The following CRYM variants were observed in gnomAD, a reference collection of about 807,000 sequenced individuals.
The protein encoded by CRYM is crystallin mu.
In CRYM, 18 loss-of-function variants were observed where a neutral mutation model predicts 32.9. The ratio of observed to expected loss-of-function variants is 0.55; its 90% CI spans 0.38 to 0.81. The LOEUF (loss-of-function observed/expected upper bound fraction) is 0.81, where lower values mean the gene tolerates loss of function less well. Ranked by LOEUF, CRYM falls within the 30% of genes least tolerant of loss-of-function variation. CRYM has a pLI of 0.00. For synonymous variants in CRYM, 153 were observed against 152.4 expected (o/e 1.00, Z -0.03); for missense variants, 337 against 393.5 (o/e 0.86, Z 1.21).
chr16:21,281,094 TTCTCTCTCTCTCTCACTCTCTC>T (rs2093397155), upstream of CRYM, among the ~76,000 whole-genome samples: 1 of 143,490 alleles, frequency 7.0e-6, no homozygotes, highest in African/African-American at 2.7e-5. Flanking sequence ...AACAGAGTGA[TTCTCTCTCTCTCTCACTCTCTC>T]TCTCTCTCTC....
intron 1 of CRYM, among the ~76,000 whole-genome samples, chr16:21,294,738 A>G (rs1292669679): frequency 1.5e-5 from 2 of 136,730 alleles, no homozygotes; most frequent in East Asian, 2.1e-4. Context: ...TCTGTTGCCC[A>G]TGCTGGAGTA....
At chr16:21,261,233 C>G (rs761279968) in intron 7 of CRYM, 21 bp downstream of exon 7, 33 of 1,598,532 alleles carry the variant, frequency 2.1e-5, no homozygotes, top group Non-Finnish European at 2.7e-5. Flanking sequence ...GGATTTGTGC[C>G]CAGGGAGCAA....
chr16:21,286,453 C>T (rs929658531), intron 1 of CRYM, among the ~76,000 whole-genome samples: 1 of 151,412 alleles, frequency 6.6e-6, no homozygotes, highest in Non-Finnish European at 1.5e-5. Context: ...TCTTGAACTC[C>T]TGACCTCAGG....
chr16:21,261,064 T>A (rs1597612617), intron 7 of CRYM, 190 bp downstream of exon 7: 1 of 640,370 alleles, frequency 1.6e-6, no homozygotes, highest in Admixed American at 2.2e-5. Context: ...GGGAAGGGAC[T>A]CTGACCCAGG....
In CRYM at chr16:21,278,277, A is replaced by T; in HGVS notation, c.-26T>A. 6.4e-7 allele frequency: 1 copy of T among 1,573,140 alleles called. No individual in the cohort carries two copies. The highest frequency in any genetic ancestry group is 8.6e-7 in the Non-Finnish European group (1 of 1,165,440). On this transcript the variant is annotated 5_prime_UTR_variant, in exon 1 of 8. Coordinates refer to ENST00000572914, the MANE Select transcript of CRYM (RefSeq NM_001376256.1). ...CTCGCCACCTGTGCCTTCTAACCTC[A>T]GTCTCCGCACCGCGATCCACGTACC...
At chr16:21,297,013 A>C (rs927672565) in intron 1 of CRYM, among the ~76,000 whole-genome samples, 1 of 152,152 alleles carries the variant, frequency 6.6e-6, no homozygotes, top group Non-Finnish European at 1.5e-5. Flanking sequence ...GTCTCTAAAA[A>C]TAAAAATGAA....
At chr16:21,280,907 C>T (rs1052018858), upstream of CRYM, among the ~76,000 whole-genome samples, 2 of 152,130 alleles carry the variant, frequency 1.3e-5, no homozygotes, top group African/African-American at 2.4e-5. Context: ...GAGTTTGAGA[C>T]CAGCCTGGCC....
At chr16:21,280,441 AC>A (rs897566257), upstream of CRYM, among the ~76,000 whole-genome samples, 2 of 150,854 alleles carry the variant, frequency 1.3e-5, no homozygotes, top group African/African-American at 4.9e-5. Context: ...TACTGAATGA[AC>A]CCCCTCTGGG....
rs876657447 is a variant in CRYM, at chr16:21,267,565, G to A, written c.662C>T (p.Ala221Val). 1 of 1,613,730 alleles carries A rather than the reference G, an allele frequency of 6.2e-7. No individual in the cohort carries two copies. Among genetic ancestry groups the A allele is most frequent in the Non-Finnish European group, 8.5e-7 (1 of 1,180,008 alleles). ...ILFGEWVKPG[A>V]HINAVGASRP... ...GCCACTCTACTTACCATTGATGTGA[G>A]CCCCTGGCTTCACCCATTCACCAAA... Residue 221 changes from alanine to valine, a missense_variant, in exon 5 of 8, where the codon GCT (alanine) becomes GTT (valine). Transcript: ENST00000572914.
intron 1 of CRYM, among the ~76,000 whole-genome samples, chr16:21,301,912 C>T (rs1378254521): frequency 6.6e-6 from 1 of 152,198 alleles, no homozygotes; most frequent in Non-Finnish European, 1.5e-5. Context: ...AGTCCTGGCG[C>T]GTCCTTCTTC....
chr16:21,284,105 T>C (rs891153910), intron 1 of CRYM: 6 of 151,530 alleles, frequency 4.0e-5, no homozygotes, highest in African/African-American at 1.5e-4. Context: ...CTCTAACAAA[T>C]GAAAACCCAT....
At chr16:21,302,876 C>T (rs916096318) in intron 1 of CRYM, 8 of 152,240 alleles carry the variant, frequency 5.3e-5, no homozygotes, top group African/African-American at 1.9e-4. Flanking sequence ...CAGTGAAAAG[C>T]TTTCTAAAGA....
chr16:21,260,190 G>A (rs1028039817), intron 7 of CRYM, among the ~76,000 whole-genome samples: 2 of 152,202 alleles, frequency 1.3e-5, no homozygotes, highest in Non-Finnish European at 2.9e-5. Context: ...ACGAAGTATG[G>A]AAGGTCATGA....
chr16:21,294,483 C>G (rs183666340), intron 1 of CRYM, among the ~76,000 whole-genome samples: 126 of 152,084 alleles, frequency 8.3e-4, no homozygotes, highest in African/African-American at 2.9e-3. Flanking sequence ...GGTATTTGTC[C>G]TAATGCTCTC....
Position 21,262,127 on chromosome 16 carries a change from T to C in CRYM, c.705A>G (p.Glu235=), listed in dbSNP as rs1196228596. 1 of 1,614,080 alleles carries C rather than the reference T, an allele frequency of 6.2e-7. No individual in the cohort carries two copies. Among genetic ancestry groups the C allele is most frequent in the East Asian group, 2.2e-5 (1 of 44,878 alleles). The change falls in exon 6 of 8, where the codon GAA becomes GAG. Residue 235 remains glutamate (E), a synonymous_variant. Transcript: ENST00000572914. ...AVGASRPDWR[E]LDDELMKEAV... is the part of the protein sequence containing the mutation. ...CTTCTTTCATGAGCTCATCATCCAG[T>C]TCTCTCCAGTCAGGTCTGCTGGCTC...
At chr16:21,267,487 C>T (rs1318007586) in intron 5 of CRYM, 67 bp downstream of exon 5, 23 of 1,526,594 alleles carry the variant, frequency 1.5e-5, no homozygotes, top group Admixed American at 5.0e-5. Context: ...CAAATGTAGT[C>T]GACTGGTCCC....
chr16:21,294,834 A>G (rs1960754422), intron 1 of CRYM, among the ~76,000 whole-genome samples: 1 of 151,678 alleles, frequency 6.6e-6, no homozygotes, highest in Non-Finnish European at 1.5e-5. Context: ...AGCTGGGACT[A>G]CAGGCACACA....
chr16:21,262,929 C>G (rs988274228), intron 5 of CRYM, among the ~76,000 whole-genome samples: 4 of 152,198 alleles, frequency 2.6e-5, no homozygotes, highest in Non-Finnish European at 5.9e-5. Context: ...ACAGGAACAC[C>G]TTCCTCACAA....
chr16:21,258,584 G>C lies in CRYM; in HGVS notation c.*197C>G, dbSNP rs2093348638. The C allele has an allele frequency of 1.6e-6, 1 of 631,688 alleles. No individual in the cohort carries two copies. The highest frequency in any genetic ancestry group is 1.8e-5 in the African/African-American group (1 of 54,834). 39.1% of individuals were successfully genotyped at this position (631,688 alleles called of 1,614,324 possible). A position where few individuals can be genotyped will look rare whatever the true frequency, so the allele number is the denominator to read the frequency against. On this transcript the variant is annotated 3_prime_UTR_variant, in exon 8 of 8. Transcript: ENST00000572914. The stretch of plus-strand genomic sequence containing the variant: ...AGGGAAATGAATGCTATTATAACTT[G>C]GTAGAACAGAAGAAATGGCTACCTA...
Sources: allele counts gnomAD v4.1 joint callset (sites outside exome capture counted in the v4.1 genomes callset), GRCh38; gene constraint gnomAD v4.1.1; transcripts MANE v1.5; gene names NCBI Gene and HGNC (gene_info 2026-07-23, HGNC 2026-07-21).